The following TMEM163 variants were observed in gnomAD, a reference collection of about 807,000 sequenced individuals.
TMEM163 encodes the protein transmembrane protein 163.
A neutral mutation model predicts 29.3 loss-of-function variants in TMEM163; 17 were observed. The ratio of observed to expected loss-of-function variants is 0.58; its 90% CI spans 0.40 to 0.87. TMEM163 has a LOEUF of 0.87. Among genes scored for constraint, TMEM163 ranks in the 40% least tolerant of loss-of-function variants. The pLI, the probability that TMEM163 is intolerant of heterozygous loss-of-function variation, is 0.00. For missense variants in TMEM163, 303 were observed against 381.5 expected, an observed-to-expected ratio of 0.79 and a Z score of 1.71; for synonymous variants, 157 against 160.6, an observed-to-expected ratio of 0.98 and a Z score of 0.17.
chr2:134,501,228 T>C (rs1039066706), intron 5 of TMEM163, among the ~76,000 whole-genome samples: 1 of 152,222 alleles, frequency 6.6e-6, no homozygotes, highest in Non-Finnish European at 1.5e-5. Context: ...AACCATGGAA[T>C]CTTCAGCTTC....
At chr2:134,457,934 T>G in intron 7 of TMEM163, 98 bp downstream of exon 7, 2 of 1,569,474 alleles carry the variant, frequency 1.3e-6, no homozygotes, top group Non-Finnish European at 1.7e-6. Flanking sequence ...GTACAAAATA[T>G]GACCTTCAGA....
At chr2:134,488,007 A>T (rs199675894) in intron 5 of TMEM163, among the ~76,000 whole-genome samples, 10 of 114,470 alleles carry the variant, frequency 8.7e-5, no homozygotes, top group Non-Finnish European at 1.7e-4. Context: ...ATCTCCATTT[A>T]AAAAAAAAAA....
chr2:134,630,097 CCTAA>C (rs1463605675), intron 2 of TMEM163, among the ~76,000 whole-genome samples: 1 of 152,158 alleles, frequency 6.6e-6, no homozygotes, highest in Non-Finnish European at 1.5e-5. Context: ...GTTCACGGTG[CCTAA>C]CTGAGTAACA....
rs184400182 is a variant in TMEM163 at position 134,482,023 on chromosome 2, G to A, written c.556-15798C>T. ...AAAATGGAGGTGGCGGTGAGAGTGAGCATCTGTAAATAAAATTCCACCTCC... is the reference window on the plus strand; with the variant it reads ...AAAATGGAGGTGGCGGTGAGAGTGAACATCTGTAAATAAAATTCCACCTCC... On this transcript the variant is annotated intron_variant, in intron 5 of 7. Transcript: ENST00000281924. Among the ~76,000 whole-genome samples the A allele has an allele frequency of 1.4e-3, 218 of 152,206 alleles. 2 individuals carry two copies. In the South Asian group the frequency reaches 0.016, roughly 11 times the overall value.
chr2:134,525,211 C>A (rs1028791898), intron 4 of TMEM163, among the ~76,000 whole-genome samples: 5 of 152,226 alleles, frequency 3.3e-5, no homozygotes, highest in Non-Finnish European at 5.9e-5. Flanking sequence ...GTTCCCCAGA[C>A]TTGCAACATC....
chr2:134,540,399 C>G (rs556510110), intron 4 of TMEM163, among the ~76,000 whole-genome samples: 1 of 152,388 alleles, frequency 6.6e-6, no homozygotes, highest in Admixed American at 6.5e-5. Flanking sequence ...CCCCACCTTG[C>G]AGTTAGAACC....
chr2:134,671,192 T>C (rs1327010117), intron 2 of TMEM163, among the ~76,000 whole-genome samples: 1 of 152,120 alleles, frequency 6.6e-6, no homozygotes, highest in Admixed American at 6.5e-5. Flanking sequence ...ACCTGGCCCG[T>C]AGTTCTCAGG....
At chr2:134,485,599 C>A (rs1433494558) in intron 5 of TMEM163, among the ~76,000 whole-genome samples, 1 of 152,144 alleles carries the variant, frequency 6.6e-6, no homozygotes, top group African/African-American at 2.4e-5. Flanking sequence ...CTCCGGGAAA[C>A]CTCGTTCTGT....
intron 2 of TMEM163, among the ~76,000 whole-genome samples, chr2:134,670,827 C>T (rs1683979151): frequency 6.6e-6 from 1 of 152,392 alleles, no homozygotes; most frequent in East Asian, 1.9e-4. Flanking sequence ...AATTACTTGA[C>T]ATTAAAGTCC....
intron 2 of TMEM163, among the ~76,000 whole-genome samples, chr2:134,643,569 G>A (rs1683266791): frequency 6.6e-6 from 1 of 151,806 alleles, no homozygotes; most frequent in South Asian, 2.1e-4. Flanking sequence ...TGAATATGAT[G>A]CAAAAATCCT....
chr2:134,684,470 G>A (rs764296252), intron 2 of TMEM163, among the ~76,000 whole-genome samples: 2 of 152,130 alleles, frequency 1.3e-5, no homozygotes, highest in Non-Finnish European at 2.9e-5. Flanking sequence ...CAAGGCCAAG[G>A]ACAATGGGAA....
chr2:134,565,106 C>T (rs1681269190), intron 2 of TMEM163, among the ~76,000 whole-genome samples: 1 of 151,546 alleles, frequency 6.6e-6, no homozygotes, highest in Admixed American at 6.6e-5. Flanking sequence ...GGTGTGGTAG[C>T]GCGTGCCTGT....
intron 2 of TMEM163, among the ~76,000 whole-genome samples, chr2:134,712,706 C>T (rs190242121): frequency 3.9e-5 from 6 of 152,296 alleles, no homozygotes; most frequent in South Asian, 2.1e-4. Context: ...TTTGTTTCCA[C>T]GGCCACTGAA....
chr2:134,638,518 G>C (rs1467779962), intron 2 of TMEM163, among the ~76,000 whole-genome samples: 1 of 152,212 alleles, frequency 6.6e-6, no homozygotes, highest in African/African-American at 2.4e-5. Flanking sequence ...TTAAAGGAAG[G>C]AGATGATGGA....
chr2:134,482,638 A>T (rs538686501), intron 5 of TMEM163, among the ~76,000 whole-genome samples: 1 of 152,110 alleles, frequency 6.6e-6, no homozygotes, highest in Admixed American at 6.5e-5. Context: ...ACTTTTCATC[A>T]CCACTTTCCC....
intron 4 of TMEM163, among the ~76,000 whole-genome samples, chr2:134,507,148 C>A (rs544401109): frequency 6.6e-6 from 1 of 152,112 alleles, no homozygotes; most frequent in East Asian, 1.9e-4. Flanking sequence ...ACCAGCCTGC[C>A]CAACACGGAC....
Position 134,651,584 on chromosome 2 carries a change from A to G in TMEM163, c.322+61616T>C, listed in dbSNP as rs1001461050. Among the ~76,000 whole-genome samples, 9 of 125,714 alleles carry G rather than the reference A, an allele frequency of 7.2e-5. 1 individual carries two copies. Among genetic ancestry groups the G allele is most frequent in the East Asian group, 2.1e-4 (1 of 4,744 alleles). 82.5% of individuals were successfully genotyped at this position (125,714 alleles called of 152,430 possible). A position where few individuals can be genotyped will look rare whatever the true frequency, so the allele number is the denominator to read the frequency against. On this transcript the variant is annotated intron_variant, in intron 2 of 7. Coordinates refer to ENST00000281924, the MANE Select transcript of TMEM163 (RefSeq NM_030923.5). ...TTTGTCAGTTTTGGCTTTTGTTGCC[A>G]TTGCTTTTGGTGTTTTGGACATGAA...
At chr2:134,691,047 G>T (rs142054860) in intron 2 of TMEM163, among the ~76,000 whole-genome samples, 6 of 152,268 alleles carry the variant, frequency 3.9e-5, no homozygotes, top group Non-Finnish European at 8.8e-5. Context: ...TGGCGGGAAT[G>T]GTAGTCAGGG....
intron 5 of TMEM163, chr2:134,466,524 T>C: frequency 3.3e-6 from 1 of 301,166 alleles, no homozygotes; most frequent in South Asian, 3.9e-5. Flanking sequence ...CATAGATCAA[T>C]AACAGAGTTG....
Sources: gnomAD v4.1 joint callset for allele counts (sites outside exome capture counted in the v4.1 genomes callset) on GRCh38, gnomAD v4.1.1 for gene constraint, MANE v1.5 for transcripts, NCBI Gene and HGNC (gene_info 2026-07-23, HGNC 2026-07-21) for gene names.